The following SLC35D1 variants were observed in gnomAD, a reference collection of about 807,000 sequenced individuals.
The protein encoded by SLC35D1 is solute carrier family 35 member D1.
Under a neutral mutation model 46.7 loss-of-function variants are expected in SLC35D1, and 31 were observed. The observed-to-expected ratio is 0.66, with a 90% CI of 0.50 to 0.90. The LOEUF (loss-of-function observed/expected upper bound fraction) is 0.90, where lower values mean the gene tolerates loss of function less well. Among genes scored for constraint, SLC35D1 ranks in the 40% least tolerant of loss-of-function variants. SLC35D1 has a pLI of 0.00. For synonymous variants in SLC35D1, 195 were observed against 164.6 expected (o/e 1.18, Z -1.41); for missense variants, 397 against 426.2 (o/e 0.93, Z 0.60).
At chr1:67,049,098 T>C (rs538829955) in intron 6 of SLC35D1, among the ~76,000 whole-genome samples, 41 of 152,172 alleles carry the variant, frequency 2.7e-4, no homozygotes, top group African/African-American at 9.9e-4. Context: ...ATCGAGACCA[T>C]CCTGGCTAAC....
chr1:67,038,118 G>C (rs961142549), intron 8 of SLC35D1, among the ~76,000 whole-genome samples: 12 of 152,112 alleles, frequency 7.9e-5, no homozygotes, highest in African/African-American at 2.4e-4. Context: ...AAGAATAATT[G>C]ATCCAACCCA....
chr1:66,993,740 G>A, the SLC35D1 span, among the ~76,000 whole-genome samples: 1 of 152,222 alleles, frequency 6.6e-6, no homozygotes, highest in Admixed American at 6.5e-5. Context: ...TTAAAGGATT[G>A]TTTAGAGGAT....
chr1:67,047,217 C>G, intron 7 of SLC35D1, 48 bp downstream of exon 7: 1 of 1,433,278 alleles, frequency 7.0e-7, no homozygotes, highest in Non-Finnish European at 9.8e-7. Flanking sequence ...TATGAATTGA[C>G]ATGCCAACAT....
Position 67,052,816 on chromosome 1 carries a change from G to A in SLC35D1, c.279C>T (p.Leu93=), listed in dbSNP as rs376572672. Residue 93 remains leucine (L), a synonymous_variant, in exon 3 of 12, where the codon CTC becomes CTT. Coordinates refer to ENST00000235345, the MANE Select transcript of SLC35D1 (RefSeq NM_015139.3). ...CAAGGTCAGGAAACTTGACTACTCT[G>A]AGCGCCTTTCCCACCCAGAGAACTG... ...TVAVLWVGKA[L]RVVKFPDLDR... 6.2e-7 allele frequency: 1 copy of A among 1,614,124 alleles called. No homozygotes were observed.
chr1:67,023,043 T>C (rs1287263217), intron 8 of SLC35D1, among the ~76,000 whole-genome samples: 3 of 152,348 alleles, frequency 2.0e-5, no homozygotes, highest in African/African-American at 7.2e-5. Context: ...TAGTATTCTA[T>C]CTTATGGGTA....
chr1:67,005,745 CA>C (rs2102229013), intron 11 of SLC35D1, among the ~76,000 whole-genome samples: 1 of 152,266 alleles, frequency 6.6e-6, no homozygotes, highest in Admixed American at 6.5e-5. Flanking sequence ...ACTGATGGGC[CA>C]GAATACAACC....
rs12061148 is a variant in SLC35D1 at position 67,009,197 on chromosome 1, T to C, written c.877-30A>G. ...AAATAAAAATAGTAATATACTGTTATATAGGTTTAACTGAGCTTCTTAAAT... is the reference window on the plus strand; with the variant it reads ...AAATAAAAATAGTAATATACTGTTACATAGGTTTAACTGAGCTTCTTAAAT... On this transcript the variant is annotated intron_variant, in intron 10 of 11. Coordinates refer to ENST00000235345, the MANE Select transcript of SLC35D1 (RefSeq NM_015139.3). 92,537 of 844,928 alleles carry C rather than the reference T, an allele frequency of 0.11. 9,758 individuals are homozygous for C. The highest frequency in any genetic ancestry group is 0.47 in the African/African-American group (27,826 of 58,774). The allele number at this position is 844,928 out of a possible 1,614,324, so 52.3% of individuals were successfully genotyped here.
chr1:67,021,706 G>GACAC (rs1304759407), intron 8 of SLC35D1, 104 bp from the exon 9 acceptor site: 28 of 243,334 alleles, frequency 1.2e-4, no homozygotes, highest in African/African-American at 7.5e-4. Flanking sequence ...CACAGACACA[G>GACAC]ACACAGACAC....
At chr1:66,973,454 T>C in the SLC35D1 span, among the ~76,000 whole-genome samples, 1 of 152,080 alleles carries the variant, frequency 6.6e-6, no homozygotes, top group East Asian at 1.9e-4. Context: ...TTAGTCAACA[T>C]TTAATTTTCT....
At chr1:66,997,502 TAAAAA>T (rs767972425), downstream of SLC35D1, among the ~76,000 whole-genome samples, 2 of 80,102 alleles carry the variant, frequency 2.5e-5, no homozygotes, top group African/African-American at 1.0e-4. Flanking sequence ...GACCCTGTGT[TAAAAA>T]AAAAAAAAAA....
Position 67,053,034 on chromosome 1 carries a change from C to T in SLC35D1, c.204-45G>A, listed in dbSNP as rs368827591. ...AAAAACAAGATCAGAACAAACCTAACTTAGCTCCGTGAATTCAATTTGCAC... is the reference window on the plus strand; with the variant it reads ...AAAAACAAGATCAGAACAAACCTAATTTAGCTCCGTGAATTCAATTTGCAC... On this transcript the variant is annotated intron_variant, in intron 1 of 11. Coordinates refer to ENST00000235345, the MANE Select transcript of SLC35D1 (RefSeq NM_015139.3). The T allele has an allele frequency of 1.2e-5, 19 of 1,609,454 alleles. No individual in the cohort carries two copies. The African/African-American group carries it at 1.6e-4, about 14-fold the overall frequency.
At chr1:66,976,248 C>CT in the SLC35D1 span, among the ~76,000 whole-genome samples, 2 of 152,060 alleles carry the variant, frequency 1.3e-5, no homozygotes, top group African/African-American at 4.8e-5. Context: ...GTGATCCACC[C>CT]CCCTTGGCCT....
the SLC35D1 span, among the ~76,000 whole-genome samples, chr1:66,990,101 G>T: frequency 6.6e-6 from 1 of 152,182 alleles, no homozygotes; most frequent in African/African-American, 2.4e-5. Flanking sequence ...GTACATGACA[G>T]AAATTTACTT....
the SLC35D1 span, chr1:66,986,092 C>A: frequency 9.4e-7 from 1 of 1,065,812 alleles, no homozygotes. Context: ...TTGGCACACA[C>A]AAGGAACAAC....
At position 67,004,132 on chromosome 1, in the gene SLC35D1, T is replaced by C. The variant is rs542480849; in HGVS notation, c.*208A>G. 5 of 545,414 alleles carry C rather than the reference T, an allele frequency of 9.2e-6. No individual in the cohort carries two copies. In the East Asian group the frequency reaches 1.7e-4, roughly 18 times the overall value. 33.8% of individuals were successfully genotyped at this position (545,414 alleles called of 1,614,324 possible). A position where few individuals can be genotyped will look rare whatever the true frequency, so the allele number is the denominator to read the frequency against. On this transcript the variant is annotated 3_prime_UTR_variant, in exon 12 of 12. Coordinates refer to ENST00000235345, the MANE Select transcript of SLC35D1 (RefSeq NM_015139.3). ...CCTTTTCCAGTCTGATATAAATTAA[T>C]TCAAACAACATATTTAAAATAGAGT...
At chr1:67,018,632 G>T (rs1667734137) in intron 10 of SLC35D1, among the ~76,000 whole-genome samples, 1 of 152,026 alleles carries the variant, frequency 6.6e-6, no homozygotes. Context: ...AGTCTATCTG[G>T]GTAGGCCTTG....
chr1:67,042,273 G>A lies in SLC35D1; in HGVS notation c.692C>T (p.Thr231Ile), dbSNP rs1355134643. The change falls in exon 8 of 12, where the codon ACC becomes ATC. Residue 231 changes from threonine (T) to isoleucine (I), a missense_variant. Physicochemically the swap from Thr to Ile is moderately conservative, Grantham distance 89. Transcript: ENST00000235345. ...YYNALFMILP[T>I]LAIAYFTGDA... The stretch of plus-strand genomic sequence containing the variant: ...TCCTGTGAAATACGCAATGGCCAGG[G>A]TGGGCAGAATCATGAACAGTGCATT... 6 of 1,614,018 alleles carry A rather than the reference G, an allele frequency of 3.7e-6. No homozygotes were observed. The highest frequency in any genetic ancestry group is 3.3e-5 in the Admixed American group (2 of 59,998).
chr1:66,984,503 T>G, the SLC35D1 span: 1 of 1,076,368 alleles, frequency 9.3e-7, no homozygotes, highest in Non-Finnish European at 1.4e-6. Context: ...AACTACAAGC[T>G]GTTTTATAAT....
intron 11 of SLC35D1, among the ~76,000 whole-genome samples, chr1:67,006,880 T>A (rs1180149798): frequency 1.3e-5 from 2 of 152,220 alleles, no homozygotes; most frequent in Non-Finnish European, 2.9e-5. Context: ...TTTCCTTTGA[T>A]CATCCTGTTA....
Sources: allele counts gnomAD v4.1 joint callset (sites outside exome capture counted in the v4.1 genomes callset), GRCh38; gene constraint gnomAD v4.1.1; transcripts MANE v1.5; gene names NCBI Gene and HGNC (gene_info 2026-07-23, HGNC 2026-07-21).